The following FOXO3 variants were observed in gnomAD, a reference collection of about 807,000 sequenced individuals.
FOXO3 encodes the protein forkhead box O3, also known as forkhead box protein O3.
A neutral mutation model predicts 41.9 loss-of-function variants in FOXO3; 4 were observed. The ratio of observed to expected loss-of-function variants is 0.10; its 90% confidence interval spans 0.05 to 0.22. The LOEUF is 0.22. FOXO3 is among the 10% of genes least tolerant of loss of function. The probability of loss-of-function intolerance (pLI) is 1.00; values close to 1 mark genes in which losing one functional copy is unlikely to be tolerated. For missense variants in FOXO3, 534 were observed against 906.8 expected (o/e 0.59, Z 5.28); for synonymous variants, 318 against 389.3 (o/e 0.82, Z 2.16).
At chr6:108,618,368 G>T in intron 1 of FOXO3, 1 of 541,000 alleles carries the variant, frequency 1.8e-6, no homozygotes, top group South Asian at 2.0e-5. Context: ...GCAGCACCAG[G>T]AGCCACAGAA....
intron 1 of FOXO3, among the ~76,000 whole-genome samples, chr6:108,584,818 C>T (rs1000668236): frequency 7.2e-5 from 11 of 151,982 alleles, no homozygotes; most frequent in Non-Finnish European, 1.2e-4. Flanking sequence ...TAATGATAGC[C>T]TTTCCTAAGG....
intron 1 of FOXO3, among the ~76,000 whole-genome samples, chr6:108,578,482 C>T (rs1309603722): frequency 2.0e-5 from 3 of 152,210 alleles, no homozygotes; most frequent in Non-Finnish European, 1.5e-5. Context: ...CTGTGCTGCT[C>T]TGTAGCCTTC....
rs200866771 is a variant in FOXO3 at position 108,663,889 on chromosome 6, C to T, written c.1056C>T (p.Ala352=). The T allele has an allele frequency of 6.4e-7, 1 of 1,559,166 alleles. No homozygotes were observed. Among genetic ancestry groups the T allele is most frequent in the Non-Finnish European group, 8.8e-7 (1 of 1,135,048 alleles). ...PLSPMLYSSS[A]SLSPSVSKPC... is the part of the protein sequence containing the mutation. Reference sequence around the variant, plus strand: ...CGCCCATGCTCTACAGCAGCTCAGCCAGCCTGTCACCTTCAGTAAGCAAGC... The same window carrying T: ...CGCCCATGCTCTACAGCAGCTCAGCTAGCCTGTCACCTTCAGTAAGCAAGC... The change falls in exon 2 of 3, where the codon GCC becomes GCT. Residue 352 remains alanine (A), a synonymous_variant. Coordinates refer to ENST00000406360, the MANE Select transcript of FOXO3 (RefSeq NM_001455.4).
intron 1 of FOXO3, among the ~76,000 whole-genome samples, chr6:108,631,911 C>T (rs758518775): frequency 2.0e-5 from 3 of 152,210 alleles, no homozygotes; most frequent in East Asian, 1.9e-4. Flanking sequence ...ACCCCTCCCC[C>T]CTTTTTCCAT....
intron 1 of FOXO3, among the ~76,000 whole-genome samples, chr6:108,587,898 A>G (rs1172313717): frequency 6.6e-6 from 1 of 152,172 alleles, no homozygotes; most frequent in Non-Finnish European, 1.5e-5. Flanking sequence ...CTTTGAGATG[A>G]CTCAGACCCA....
chr6:108,611,417 G>GT (rs1334299663), intron 1 of FOXO3, among the ~76,000 whole-genome samples: 1 of 151,638 alleles, frequency 6.6e-6, no homozygotes, highest in Non-Finnish European at 1.5e-5. Flanking sequence ...TGCAGTGTAT[G>GT]TTTAACTTTA....
At chr6:108,621,477 G>C (rs1400389497) in intron 1 of FOXO3, among the ~76,000 whole-genome samples, 1 of 152,198 alleles carries the variant, frequency 6.6e-6, no homozygotes, top group African/African-American at 2.4e-5. Flanking sequence ...TATGTGTGTA[G>C]TGCATGATGT....
At position 108,679,974 on chromosome 6, in the gene FOXO3, C is replaced by G. The variant is rs1770779115; in HGVS notation, c.*182C>G. The G allele has an allele frequency of 6.5e-6, 1 of 152,928 alleles. No homozygotes were observed. The highest frequency in any genetic ancestry group is 1.5e-5 in the Non-Finnish European group (1 of 68,238). 9.5% of individuals were successfully genotyped at this position (152,928 alleles called of 1,614,324 possible). ...GCAGAGACTGTTAATGGCCCCTTAC[C>G]CTGGGTGAAGCACTTACCCTTGGAA... On this transcript the variant is annotated 3_prime_UTR_variant, in exon 3 of 3. Coordinates refer to ENST00000406360, the MANE Select transcript of FOXO3 (RefSeq NM_001455.4).
chr6:108,596,150 C>G (rs1776876898), intron 1 of FOXO3, among the ~76,000 whole-genome samples: 2 of 152,052 alleles, frequency 1.3e-5, no homozygotes, highest in South Asian at 4.1e-4. Flanking sequence ...TTCTACCTTT[C>G]TCTTCCCCAT....
chr6:108,593,674 G>A (rs1005431703), intron 1 of FOXO3, among the ~76,000 whole-genome samples: 4 of 149,936 alleles, frequency 2.7e-5, no homozygotes, highest in African/African-American at 4.9e-5. Context: ...CACTGAACCC[G>A]GCCGCCTTGC....
intron 1 of FOXO3, among the ~76,000 whole-genome samples, chr6:108,562,563 C>T (rs2128354576): frequency 6.6e-6 from 1 of 152,264 alleles, no homozygotes; most frequent in African/African-American, 2.4e-5. Context: ...CCCGCTGCTC[C>T]CGCCGAGGCC....
chr6:108,638,674 A>T (rs899360455), intron 1 of FOXO3, among the ~76,000 whole-genome samples: 1 of 152,188 alleles, frequency 6.6e-6, no homozygotes, highest in African/African-American at 2.4e-5. Flanking sequence ...CTGGAGGACA[A>T]CAGACGACTT....
At chr6:108,623,730 G>A (rs1777735496) in intron 1 of FOXO3, among the ~76,000 whole-genome samples, 1 of 152,166 alleles carries the variant, frequency 6.6e-6, no homozygotes, top group Admixed American at 6.5e-5. Context: ...AAATAAAGGG[G>A]AAGGGAAGGA....
chr6:108,624,523 G>A (rs550534163), intron 1 of FOXO3, among the ~76,000 whole-genome samples: 20 of 152,064 alleles, frequency 1.3e-4, no homozygotes, highest in Non-Finnish European at 2.5e-4. Flanking sequence ...TTTTAGAAAA[G>A]ATTATTTGTA....
intron 2 of FOXO3, among the ~76,000 whole-genome samples, chr6:108,673,434 C>G (rs1770430070): frequency 6.6e-6 from 1 of 152,244 alleles, no homozygotes; most frequent in African/African-American, 2.4e-5. Context: ...CTCAGTTCCT[C>G]TGTGGCACTG....
At position 108,658,873 on chromosome 6, in the gene FOXO3, T is replaced by G. The variant is rs980525162; in HGVS notation, c.622-4582T>G. Among the ~76,000 whole-genome samples, 13 of 151,526 alleles carry G rather than the reference T, an allele frequency of 8.6e-5. No homozygotes were observed. In the East Asian group the frequency reaches 2.1e-3, roughly 25 times the overall value. ...ACTTTTTTTTGTTTGCTTTTTGGGG[T>G]TTTTGTGTTTTTTTGTTTGTTTGTT... is the stretch of plus-strand genomic sequence containing the variant. On this transcript the variant is annotated intron_variant, in intron 1 of 2. Transcript: ENST00000406360.
intron 1 of FOXO3, among the ~76,000 whole-genome samples, chr6:108,595,518 A>G (rs1218169804): frequency 1.3e-5 from 2 of 152,186 alleles, no homozygotes; most frequent in African/African-American, 4.8e-5. Flanking sequence ...CATTGAGACC[A>G]TTTACATAAG....
intron 1 of FOXO3, among the ~76,000 whole-genome samples, chr6:108,582,913 A>G (rs1299778883): frequency 6.6e-6 from 1 of 151,944 alleles, no homozygotes; most frequent in Non-Finnish European, 1.5e-5. Flanking sequence ...TTCCTGAGGG[A>G]TTTTCTAGGG....
In FOXO3 at chr6:108,683,051, T is replaced by C. The variant is rs1770927964; in HGVS notation, c.*3259T>C. ...GCCAGGCTCAGTGTACCCCATTAAC[T>C]GTGAATGAATCTGAGCTTGGTTTCC... On this transcript the variant is annotated 3_prime_UTR_variant, in exon 3 of 3. Transcript: ENST00000406360. The C allele has an allele frequency of 6.5e-6, 1 of 152,672 alleles. No homozygotes were observed. The highest frequency in any genetic ancestry group is 1.5e-5 in the Non-Finnish European group (1 of 68,038). The allele number at this position is 152,672 out of a possible 1,614,324, so 9.5% of individuals were successfully genotyped here. A position where few individuals can be genotyped will look rare whatever the true frequency, so the allele number is the denominator to read the frequency against.
Sources: gnomAD v4.1 joint callset for allele counts (sites outside exome capture counted in the v4.1 genomes callset) on GRCh38, gnomAD v4.1.1 for gene constraint, MANE v1.5 for transcripts, NCBI Gene and HGNC (gene_info 2026-07-23, HGNC 2026-07-21) for gene names.